LARGE1: variants seen among roughly 807,000 people sequenced by gnomAD.
LARGE1 encodes LARGE xylosyl- and glucuronyltransferase 1, also known as xylosyl- and glucuronyltransferase LARGE1.
LARGE1 carries 43 observed loss-of-function variants against 87.6 expected under a neutral mutation model. That is an observed-to-expected ratio of 0.49 (90% confidence interval 0.38 to 0.63). The LOEUF (loss-of-function observed/expected upper bound fraction) is 0.63. Among genes scored for constraint, LARGE1 ranks in the 30% least tolerant of loss-of-function variants. LARGE1 has a pLI of 0.00. For missense variants in LARGE1, 802 were observed against 1,000.2 expected (o/e 0.80, Z 2.67); for synonymous variants, 434 against 394.6 (o/e 1.10, Z -1.18).
At chr22:33,722,757 A>T (rs1370543649) in intron 2 of LARGE1, among the ~76,000 whole-genome samples, 3 of 152,160 alleles carry the variant, frequency 2.0e-5, no homozygotes, top group Non-Finnish European at 4.4e-5. Context: ...TCTACAAAAA[A>T]GGTGAGGTAG....
chr22:33,309,230 G>A (rs886231313), intron 11 of LARGE1, among the ~76,000 whole-genome samples: 62 of 151,448 alleles, frequency 4.1e-4, no homozygotes, highest in African/African-American at 1.5e-3. Flanking sequence ...GCAGTGGTGC[G>A]ATCTCAGCTC....
intron 4 of LARGE1, among the ~76,000 whole-genome samples, chr22:33,609,280 C>G (rs182775214): frequency 3.3e-5 from 5 of 152,336 alleles, no homozygotes; most frequent in Admixed American, 2.0e-4. Flanking sequence ...CTGCCACCCA[C>G]AACAGCTGAG....
chr22:33,842,143 C>T (rs5754716), intron 1 of LARGE1, among the ~76,000 whole-genome samples: 34,527 of 152,146 alleles, frequency 0.23, 4,095 homozygotes, highest in East Asian at 0.41. Context: ...GAACACTGTA[C>T]TCAAAAGTAA....
At chr22:33,494,554 A>G (rs923369550) in intron 6 of LARGE1, among the ~76,000 whole-genome samples, 1 of 152,226 alleles carries the variant, frequency 6.6e-6, no homozygotes, top group Admixed American at 6.5e-5. Flanking sequence ...TTAGATCCAT[A>G]GCATTGATTC....
At chr22:33,464,527 G>A (rs773652845) in intron 6 of LARGE1, among the ~76,000 whole-genome samples, 5 of 151,976 alleles carry the variant, frequency 3.3e-5, no homozygotes, top group East Asian at 1.9e-4. Flanking sequence ...AAGTCAATAC[G>A]GAAAAGATGA....
intron 2 of LARGE1, among the ~76,000 whole-genome samples, chr22:33,684,186 T>A (rs1265746045): frequency 1.3e-5 from 2 of 152,166 alleles, no homozygotes; most frequent in African/African-American, 4.8e-5. Flanking sequence ...GAATGTGGAA[T>A]GTGTTTGGGG....
chr22:33,251,260 T>C (rs1345804248), intron 11 of LARGE1, among the ~76,000 whole-genome samples: 1 of 152,236 alleles, frequency 6.6e-6, no homozygotes, highest in East Asian at 1.9e-4. Flanking sequence ...CTGGAGCTCA[T>C]TGTTAAGAAA....
intron 3 of LARGE1, among the ~76,000 whole-genome samples, chr22:33,640,751 AG>A (rs937890502): frequency 3.3e-5 from 5 of 152,136 alleles, no homozygotes; most frequent in African/African-American, 1.2e-4. Flanking sequence ...TGGTGGAGAA[AG>A]GGGCGTCCAC....
intron 1 of LARGE1, among the ~76,000 whole-genome samples, chr22:33,903,698 G>A (rs913966911): frequency 2.0e-5 from 3 of 152,068 alleles, no homozygotes; most frequent in South Asian, 4.1e-4. Context: ...GGTGGTGGGC[G>A]CCTGTGATCC....
At chr22:33,474,947 C>G (rs1040564627) in intron 6 of LARGE1, among the ~76,000 whole-genome samples, 1 of 152,090 alleles carries the variant, frequency 6.6e-6, no homozygotes, top group Non-Finnish European at 1.5e-5. Context: ...AAGTGAGAGG[C>G]CAGGAACTTG....
intron 7 of LARGE1, among the ~76,000 whole-genome samples, chr22:33,391,097 T>A (rs1444771567): frequency 6.6e-6 from 1 of 152,152 alleles, no homozygotes; most frequent in African/African-American, 2.4e-5. Flanking sequence ...TCCCCAAGTG[T>A]TGCAATTACA....
rs144827918 is a variant in LARGE1, at chr22:33,599,256, C to T, written c.615+5179G>A. On this transcript the variant is annotated intron_variant, in intron 5 of 14. Transcript: ENST00000397394. ...CTTAAGCAAATGCTCTTCAACCCCA[C>T]ACTTTAACTTAAGTGAGGTGGAGGT... Among the ~76,000 whole-genome samples, 479 of 152,348 alleles carry T rather than the reference C, an allele frequency of 3.1e-3. 1 individual carries two copies. The highest frequency in any genetic ancestry group is 4.8e-3 in the Non-Finnish European group (328 of 68,036).
intron 1 of LARGE1, among the ~76,000 whole-genome samples, chr22:33,825,588 T>C (rs1047605384): frequency 6.6e-6 from 1 of 152,090 alleles, no homozygotes; most frequent in Admixed American, 6.5e-5. Context: ...TCAGATCTCG[T>C]GAGAACTCAC....
chr22:33,317,456 A>T (rs965076850), intron 10 of LARGE1, among the ~76,000 whole-genome samples: 1 of 152,220 alleles, frequency 6.6e-6, no homozygotes, highest in East Asian at 1.9e-4. Flanking sequence ...CCTAAGTTTA[A>T]TCAGAATCTT....
At chr22:33,104,929 T>TTCTTTCTCTTTCTCTCTTTCTCTCTC in the LARGE1 span, among the ~76,000 whole-genome samples, 2 of 100,030 alleles carry the variant, frequency 2.0e-5, no homozygotes, top group Admixed American at 1.9e-4. Flanking sequence ...CTTTCTTTCT[T>TTCTTTCTCTTTCTCTCTTTCTCTCTC]TCTTTCTTTC....
intron 6 of LARGE1, among the ~76,000 whole-genome samples, chr22:33,474,139 T>C (rs902182612): frequency 6.6e-6 from 1 of 152,152 alleles, no homozygotes; most frequent in African/African-American, 2.4e-5. Flanking sequence ...TTGGCCAATG[T>C]ATCTAGTCTT....
chr22:33,125,155 G>A, the LARGE1 span, among the ~76,000 whole-genome samples: 23 of 152,312 alleles, frequency 1.5e-4, no homozygotes, highest in African/African-American at 5.1e-4. Context: ...GATGGGCAGC[G>A]AGAGCAACTG....
intron 6 of LARGE1, among the ~76,000 whole-genome samples, chr22:33,449,714 C>T (rs977246398): frequency 9.2e-5 from 14 of 152,202 alleles, no homozygotes; most frequent in African/African-American, 1.4e-4. Context: ...GCACATGCTT[C>T]GAGGAGAGCA....
intron 1 of LARGE1, among the ~76,000 whole-genome samples, chr22:33,777,684 AAGGGGAAGGGAAGGC>A (rs374883131): frequency 1.1e-3 from 109 of 100,178 alleles, no homozygotes; most frequent in African/African-American, 3.6e-3. Flanking sequence ...GGAGAAGGAG[AAGGGGAAGGGAAGGC>A]AGGGGAAGGG....
Sources: allele counts gnomAD v4.1 joint callset (sites outside exome capture counted in the v4.1 genomes callset), GRCh38; gene constraint gnomAD v4.1.1; transcripts MANE v1.5; gene names NCBI Gene and HGNC (gene_info 2026-07-23, HGNC 2026-07-21).